The following TRIM13 variants were observed in gnomAD, a reference collection of about 807,000 sequenced individuals.
TRIM13 encodes tripartite motif containing 13.
TRIM13 carries 15 observed loss-of-function variants against 27.1 expected under a neutral mutation model. That is an observed-to-expected ratio of 0.55 (90% CI 0.37 to 0.85). TRIM13 has a LOEUF of 0.85. TRIM13 is among the 40% of genes least tolerant of loss of function. The pLI, the probability that TRIM13 is intolerant of heterozygous loss-of-function variation, is 0.00. For synonymous variants in TRIM13, 193 were observed against 171.5 expected (o/e 1.13, Z -0.98); for missense variants, 402 against 472.2 (o/e 0.85, Z 1.38).
intron 1 of TRIM13, among the ~76,000 whole-genome samples, chr13:50,011,369 C>T (rs1875617957): frequency 6.6e-6 from 1 of 152,142 alleles, no homozygotes; most frequent in Admixed American, 6.5e-5. Flanking sequence ...AGTTCTCTAC[C>T]TAGAAGAGTG....
At chr13:50,002,787 C>T (rs182306416) in intron 1 of TRIM13, among the ~76,000 whole-genome samples, 72 of 152,106 alleles carry the variant, frequency 4.7e-4, no homozygotes, top group African/African-American at 1.5e-3. Flanking sequence ...CTCAGCCTCC[C>T]GAGTAGCTGG....
chr13:50,015,392 T>A lies in TRIM13; in HGVS notation c.*2228T>A. On this transcript the variant is annotated 3_prime_UTR_variant, in exon 2 of 2. Coordinates refer to ENST00000378182, the MANE Select transcript of TRIM13 (RefSeq NM_213590.3). ...AAGTCTGGTTTTTGTTATTCTTCCC[T>A]CCCCTCCACTGCATAATCATGTATA... 4.7e-6 allele frequency: 4 copies of A among 843,608 alleles called. No individual in the cohort carries two copies. Among genetic ancestry groups the A allele is most frequent in the Non-Finnish European group, 7.6e-6 (4 of 524,078 alleles). The allele number at this position is 843,608 out of a possible 1,614,324, so 52.3% of individuals were successfully genotyped here. A position where few individuals can be genotyped will look rare whatever the true frequency, so the allele number is the denominator to read the frequency against.
chr13:50,012,701 A>G lies in TRIM13; in HGVS notation c.761A>G (p.Glu254Gly). The change falls in exon 2 of 2, where the codon GAG becomes GGG. Residue 254 changes from glutamate to glycine, a missense_variant. Physicochemically the swap from Glu to Gly is moderately conservative, Grantham distance 98. This residue lies in a region of TRIM13 where 200 missense variants were observed against 194.7 expected (regional missense o/e 1.03). Coordinates refer to ENST00000378182, the MANE Select transcript of TRIM13 (RefSeq NM_213590.3). ...EPIVFLQQMQ[E>G]FREKIKVIKE... Reference sequence around the variant, plus strand: ...ATTGTATTTCTGCAACAGATGCAGGAGTTTAGAGAGAAAATCAAAGTAATC... The same window carrying G: ...ATTGTATTTCTGCAACAGATGCAGGGGTTTAGAGAGAAAATCAAAGTAATC... The G allele has an allele frequency of 1.2e-6, 2 of 1,614,144 alleles. No homozygotes were observed. Among genetic ancestry groups the G allele is most frequent in the Non-Finnish European group, 1.7e-6 (2 of 1,180,008 alleles).
At chr13:50,002,789 A>G (rs1464091161) in intron 1 of TRIM13, among the ~76,000 whole-genome samples, 1 of 151,912 alleles carries the variant, frequency 6.6e-6, no homozygotes, top group Non-Finnish European at 1.5e-5. Flanking sequence ...CAGCCTCCCG[A>G]GTAGCTGGGA....
At chr13:49,998,687 G>A (rs922357103) in intron 1 of TRIM13, among the ~76,000 whole-genome samples, 3 of 152,006 alleles carry the variant, frequency 2.0e-5, no homozygotes, top group African/African-American at 7.3e-5. Context: ...CGGTGACTTT[G>A]GGAGGCTGAG....
In TRIM13 at chr13:50,013,632, C is replaced by T. The variant is rs1241766462; in HGVS notation, c.*468C>T. 1.2e-5 allele frequency: 2 copies of T among 161,686 alleles called. No homozygotes were observed. The highest frequency in any genetic ancestry group is 1.5e-5 in the Non-Finnish European group (1 of 67,990). 10.0% of individuals were successfully genotyped at this position (161,686 alleles called of 1,614,324 possible). On this transcript the variant is annotated 3_prime_UTR_variant, in exon 2 of 2. Transcript: ENST00000378182. ...CTACCTCCCAGGTTCAAGTGATTAT[C>T]CTGCCTTAGCCTCCTGAGTAGCTGG...
chr13:50,002,822 C>A (rs1234101442), intron 1 of TRIM13, among the ~76,000 whole-genome samples: 1 of 152,066 alleles, frequency 6.6e-6, no homozygotes, highest in Non-Finnish European at 1.5e-5. Context: ...GCCACTGCTC[C>A]CGGCTAATTT....
At chr13:50,009,751 A>C (rs2803838) in intron 1 of TRIM13, among the ~76,000 whole-genome samples, 54 of 142,590 alleles carry the variant, frequency 3.8e-4, no homozygotes, top group Admixed American at 7.3e-4. Context: ...AAAAAAAAAA[A>C]AAAAAAACAA....
In TRIM13 at chr13:50,007,348, G is replaced by A. The variant is rs560129471; in HGVS notation, c.-6-4587G>A. Among the ~76,000 whole-genome samples, 366 of 151,382 alleles carry A rather than the reference G, an allele frequency of 2.4e-3. 1 individual carries two copies. Among genetic ancestry groups the A allele is most frequent in the Non-Finnish European group, 3.8e-3 (257 of 67,860 alleles). On this transcript the variant is annotated intron_variant, in intron 1 of 1. Coordinates refer to ENST00000378182, the MANE Select transcript of TRIM13 (RefSeq NM_213590.3). ...TATTAAAAATACAACAAAATTAGCCGGGCGTGGTGGCCGGTGCCTGTAATC... is the reference window on the plus strand; with the variant it reads ...TATTAAAAATACAACAAAATTAGCCAGGCGTGGTGGCCGGTGCCTGTAATC...
chr13:50,000,640 A>T (rs1173848926), intron 1 of TRIM13, among the ~76,000 whole-genome samples: 1 of 152,256 alleles, frequency 6.6e-6, no homozygotes, highest in Non-Finnish European at 1.5e-5. Context: ...TTCTGTTAAA[A>T]TGTGTGCACA....
Position 50,012,456 on chromosome 13 carries a change from A to G in TRIM13, c.516A>G (p.Leu172=), listed in dbSNP as rs1875775881. Residue 172 remains leucine, a synonymous_variant, in exon 2 of 2, where the codon CTA becomes CTG. Transcript: ENST00000378182. ...TGGAAACTAGTAAGAGGAAATCCCTACAGTTACTGACTAAAGATTCAGATA... is the reference window on the plus strand; with the variant it reads ...TGGAAACTAGTAAGAGGAAATCCCTGCAGTTACTGACTAAAGATTCAGATA... ...DTLETSKRKS[L]QLLTKDSDKV... 2 of 1,613,960 alleles carry G rather than the reference A, an allele frequency of 1.2e-6. No homozygotes were observed. The highest frequency in any genetic ancestry group is 1.7e-6 in the Non-Finnish European group (2 of 1,179,898).
Position 50,013,181 on chromosome 13 carries a change from G to A in TRIM13, c.*17G>A. ...CTATTATAAAATCTGTTTCAAGTATGCAGTTTTCTTTTGTTAGAAATTGTT... is the reference window on the plus strand; with the variant it reads ...CTATTATAAAATCTGTTTCAAGTATACAGTTTTCTTTTGTTAGAAATTGTT... On this transcript the variant is annotated 3_prime_UTR_variant, in exon 2 of 2. Transcript: ENST00000378182. 1 of 1,519,808 alleles carries A rather than the reference G, an allele frequency of 6.6e-7. No individual in the cohort carries two copies. The highest frequency in any genetic ancestry group is 8.8e-7 in the Non-Finnish European group (1 of 1,136,830). 94.1% of individuals were successfully genotyped at this position (1,519,808 alleles called of 1,614,324 possible).
At position 50,012,619 on chromosome 13, in the gene TRIM13, C is replaced by G. The variant is rs374838713; in HGVS notation, c.679C>G (p.Gln227Glu). The G allele has an allele frequency of 1.5e-5, 25 of 1,613,966 alleles. No individual in the cohort carries two copies. The highest frequency in any genetic ancestry group is 2.1e-5 in the Non-Finnish European group (25 of 1,180,004). The change falls in exon 2 of 2, where the codon CAG (glutamine) becomes GAG (glutamate). Residue 227 changes from glutamine (Q) to glutamate (E), a missense_variant. By Grantham distance (29) the Gln-to-Glu change is conservative. Coordinates refer to ENST00000378182, the MANE Select transcript of TRIM13 (RefSeq NM_213590.3). The part of the protein sequence containing the change: ...PEINKLNTIL[Q>E]EQRMAFNIAE... ...GATCAACAAACTCAACACCATCTTG[C>G]AGGAGCAACGGATGGCCTTTAACAT...
intron 1 of TRIM13, among the ~76,000 whole-genome samples, chr13:50,006,170 T>C (rs1013532315): frequency 6.6e-6 from 1 of 152,146 alleles, no homozygotes; most frequent in Non-Finnish European, 1.5e-5. Flanking sequence ...TTTTCCCCTC[T>C]GGTTCATTTT....
In TRIM13 at chr13:50,015,095, ATATATATATATATATATATATATAT is replaced by A. The variant is rs1182962751; in HGVS notation, c.*1932_*1956del. ...AGTAATAAAAAAAAAAAAAAAAAAA[ATATATATATATATATATATATATAT>A]ATATATATATATATATATATATATA... On this transcript the variant is annotated 3_prime_UTR_variant, in exon 2 of 2. Transcript: ENST00000378182. The A allele has an allele frequency of 6.0e-5, 1 of 16,706 alleles. No individual in the cohort carries two copies. Among genetic ancestry groups the A allele is most frequent in the African/African-American group, 3.2e-4 (1 of 3,088 alleles). 1.0% of individuals were successfully genotyped at this position (16,706 alleles called of 1,614,324 possible). A position where few individuals can be genotyped will look rare whatever the true frequency, so the allele number is the denominator to read the frequency against.
Position 50,016,061 on chromosome 13 carries a change from A to G in TRIM13, c.*2897A>G. 6.2e-7 allele frequency: 1 copy of G among 1,612,176 alleles called. No homozygotes were observed. Among genetic ancestry groups the G allele is most frequent in the Non-Finnish European group, 8.5e-7 (1 of 1,178,330 alleles). On this transcript the variant is annotated 3_prime_UTR_variant, in exon 2 of 2. Coordinates refer to ENST00000378182, the MANE Select transcript of TRIM13 (RefSeq NM_213590.3). ...TTCTGACAGCACTACTGATAACCAA[A>G]CTGGAGTCAGGTATTTTGTACTTTG... is the stretch of plus-strand genomic sequence containing the variant.
At chr13:50,008,852 C>CAA (rs202100070) in intron 1 of TRIM13, among the ~76,000 whole-genome samples, 6 of 145,248 alleles carry the variant, frequency 4.1e-5, no homozygotes, top group Admixed American at 1.4e-4. Flanking sequence ...CTCATCTCTA[C>CAA]AAAAAAAAAC....
chr13:50,002,337 C>T (rs1874140598), intron 1 of TRIM13, among the ~76,000 whole-genome samples: 2 of 152,074 alleles, frequency 1.3e-5, no homozygotes, highest in South Asian at 4.2e-4. Context: ...TGCAGTGAGA[C>T]GAGATCGCAC....
Position 50,013,863 on chromosome 13 carries a change from T to C in TRIM13, c.*699T>C, listed in dbSNP as rs1282314706. ...AAAGACTGCTCTTAAAGCACCTTTT[T>C]GACAGTGAACATGGTCTAAAAAAGG... is the stretch of plus-strand genomic sequence containing the variant. On this transcript the variant is annotated 3_prime_UTR_variant, in exon 2 of 2. Transcript: ENST00000378182. 6.0e-6 allele frequency: 1 copy of C among 166,844 alleles called. No homozygotes were observed. Among genetic ancestry groups the C allele is most frequent in the Non-Finnish European group, 1.5e-5 (1 of 68,054 alleles). The allele number at this position is 166,844 out of a possible 1,614,324, so 10.3% of individuals were successfully genotyped here.
Sources: allele counts gnomAD v4.1 joint callset (sites outside exome capture counted in the v4.1 genomes callset), GRCh38; gene constraint gnomAD v4.1.1; regional missense constraint gnomAD v4.1.1; transcripts MANE v1.5; gene names NCBI Gene and HGNC (gene_info 2026-07-23, HGNC 2026-07-21).